Variants in PDE11A observed in about 807,000 individuals in gnomAD.
PDE11A encodes dual 3',5'-cyclic-AMP and -GMP phosphodiesterase 11A.
PDE11A carries 100 observed loss-of-function variants against 100.5 expected under a neutral mutation model. That is an observed-to-expected ratio of 1.00 (90% CI 0.85 to 1.18). The LOEUF is 1.18. Ranked by LOEUF, PDE11A falls within the 50% of genes most tolerant of loss-of-function variation. The pLI is 0.00. For synonymous variants in PDE11A, 381 were observed against 420.8 expected (o/e 0.91, Z 1.16); for missense variants, 1,141 against 1,152.6 (o/e 0.99, Z 0.15).
chr2:177,774,347 C>T (rs1176899882), intron 9 of PDE11A, among the ~76,000 whole-genome samples: 3 of 152,160 alleles, frequency 2.0e-5, no homozygotes, highest in Non-Finnish European at 2.9e-5. Context: ...TGGTTCTGCC[C>T]CCACCTCTCC....
Position 177,993,092 on chromosome 2 carries a change from C to T in PDE11A, c.1071+21210G>A, listed in dbSNP as rs914784850. On this transcript the variant is annotated intron_variant, in intron 2 of 19. Transcript: ENST00000286063. ...ACTTCTCAACCAGAATTTTCCTACTCATAAAATGGGGCTACCATTGTGGTT... is the reference window on the plus strand; with the variant it reads ...ACTTCTCAACCAGAATTTTCCTACTTATAAAATGGGGCTACCATTGTGGTT... Among the ~76,000 whole-genome samples, 14 of 152,258 alleles carry T rather than the reference C, an allele frequency of 9.2e-5. No individual in the cohort carries two copies. In the East Asian group the frequency reaches 1.7e-3, roughly 19 times the overall value.
chr2:177,833,074 C>T (rs541253944), intron 6 of PDE11A, among the ~76,000 whole-genome samples: 20 of 152,102 alleles, frequency 1.3e-4, no homozygotes, highest in Non-Finnish European at 2.1e-4. Context: ...TTCTGCCTAA[C>T]GCCCCTCAGT....
chr2:178,009,612 G>T (rs1332925945), intron 2 of PDE11A, among the ~76,000 whole-genome samples: 2 of 152,160 alleles, frequency 1.3e-5, no homozygotes, highest in Non-Finnish European at 2.9e-5. Context: ...TGAAGGAAAA[G>T]GTGGCAGGGA....
Position 177,627,464 on chromosome 2 carries a change from T to G in PDE11A, c.*1943A>C, listed in dbSNP as rs2079853935. The stretch of plus-strand genomic sequence containing the variant: ...TTCTTCAGACATTTCCTGAATTGTC[T>G]ACTGTGTGCCAGGAAAACAATGTCG... On this transcript the variant is annotated 3_prime_UTR_variant, in exon 20 of 20. Coordinates refer to ENST00000286063, the MANE Select transcript of PDE11A (RefSeq NM_016953.4). 6.6e-6 allele frequency: 1 copy of G among 152,234 alleles called. No homozygotes were observed. Among genetic ancestry groups the G allele is most frequent in the African/African-American group, 2.4e-5 (1 of 41,458 alleles). The allele number at this position is 152,234 out of a possible 1,614,324, so 9.4% of individuals were successfully genotyped here. A position where few individuals can be genotyped will look rare whatever the true frequency, so the allele number is the denominator to read the frequency against.
intron 5 of PDE11A, among the ~76,000 whole-genome samples, chr2:177,848,562 T>A (rs150939271): frequency 4.7e-4 from 72 of 152,362 alleles, no homozygotes; most frequent in Non-Finnish European, 9.4e-4. Flanking sequence ...CTCAGTGGTA[T>A]CTTGCTTCCA....
At chr2:177,772,110 A>G (rs2082320002) in intron 9 of PDE11A, among the ~76,000 whole-genome samples, 1 of 152,114 alleles carries the variant, frequency 6.6e-6, no homozygotes, top group African/African-American at 2.4e-5. Context: ...TTTCTCTTCC[A>G]TTGTAGACTT....
intron 5 of PDE11A, among the ~76,000 whole-genome samples, chr2:177,866,777 G>C (rs909324538): frequency 3.9e-5 from 6 of 152,194 alleles, no homozygotes; most frequent in Non-Finnish European, 8.8e-5. Context: ...ATATGTATTT[G>C]AGTGAAGTAG....
At chr2:177,748,257 C>T (rs2033763) in intron 10 of PDE11A, among the ~76,000 whole-genome samples, 146,820 of 152,278 alleles carry the variant, frequency 0.96, 70,987 homozygotes, top group East Asian at 1. Flanking sequence ...TGAGAGGAAA[C>T]ATTTTGCCTC....
intron 18 of PDE11A, among the ~76,000 whole-genome samples, chr2:177,666,307 A>T (rs2105482620): frequency 6.6e-6 from 1 of 152,356 alleles, no homozygotes; most frequent in South Asian, 2.1e-4. Context: ...TTTGTTCATC[A>T]GTTGATTGAC....
At chr2:177,685,994 T>C (rs759662044) in intron 15 of PDE11A, among the ~76,000 whole-genome samples, 4 of 152,102 alleles carry the variant, frequency 2.6e-5, no homozygotes, top group African/African-American at 4.8e-5. Context: ...ATCAACAGAA[T>C]CAAAATCAGT....
chr2:178,027,405 AAGAC>A (rs1251906322), intron 1 of PDE11A, among the ~76,000 whole-genome samples: 1 of 152,200 alleles, frequency 6.6e-6, no homozygotes, highest in Non-Finnish European at 1.5e-5. Flanking sequence ...ATTACCATCT[AAGAC>A]AGCACAATAG....
chr2:178,025,080 T>C (rs1480131311), intron 1 of PDE11A, among the ~76,000 whole-genome samples: 1 of 152,226 alleles, frequency 6.6e-6, no homozygotes, highest in Admixed American at 6.5e-5. Context: ...TGAAAAATTA[T>C]CATTGTTGTT....
At chr2:177,941,962 T>C (rs992545656) in intron 2 of PDE11A, among the ~76,000 whole-genome samples, 17 of 152,214 alleles carry the variant, frequency 1.1e-4, no homozygotes, top group African/African-American at 4.1e-4. Context: ...CTCAGGGAAT[T>C]TCAGTGACAA....
chr2:177,669,462 T>C (rs2080640874), intron 18 of PDE11A, 31 bp downstream of exon 18: 1 of 875,020 alleles, frequency 1.1e-6, no homozygotes, highest in Non-Finnish European at 2.0e-6. Context: ...TTCAAAAGGG[T>C]AAATACGTTA....
Position 177,632,411 on chromosome 2 carries a change from C to A in PDE11A, c.2647-2849G>T, listed in dbSNP as rs142797352. 2.6e-5 allele frequency among the ~76,000 whole-genome samples: 4 copies of A among 152,128 alleles called. No homozygotes were observed. The East Asian group carries it at 7.7e-4, about 29-fold the overall frequency. ...GACCTTTCTTCTGACTTATTCATAC[C>A]CATCTCTCCTTTCTTCTCTCCTCTT... is the stretch of plus-strand genomic sequence containing the variant. On this transcript the variant is annotated intron_variant, in intron 19 of 19. Coordinates refer to ENST00000286063, the MANE Select transcript of PDE11A (RefSeq NM_016953.4).
chr2:177,915,362 C>T (rs1020647282), intron 2 of PDE11A, among the ~76,000 whole-genome samples: 1 of 152,208 alleles, frequency 6.6e-6, no homozygotes, highest in African/African-American at 2.4e-5. Context: ...CCTCCTTCTC[C>T]CTCAGTCTCT....
chr2:177,999,418 G>A (rs2105816624), intron 2 of PDE11A, among the ~76,000 whole-genome samples: 1 of 152,320 alleles, frequency 6.6e-6, no homozygotes. Flanking sequence ...TACATCACAA[G>A]TATCACTGTG....
intron 10 of PDE11A, among the ~76,000 whole-genome samples, chr2:177,750,101 T>C (rs553596807): frequency 1.4e-4 from 22 of 152,348 alleles, no homozygotes; most frequent in African/African-American, 5.1e-4. Context: ...ACATCGTTAA[T>C]TTCTGCACAT....
intron 1 of PDE11A, among the ~76,000 whole-genome samples, chr2:178,049,792 G>T (rs12998308): frequency 0.1 from 15,223 of 152,120 alleles, 1,048 homozygotes; most frequent in Non-Finnish European, 0.15. Context: ...AGGCAGCAGC[G>T]AGGCTTGGGG....
Sources: allele counts gnomAD v4.1 joint callset (sites outside exome capture counted in the v4.1 genomes callset), GRCh38; gene constraint gnomAD v4.1.1; transcripts MANE v1.5; gene names NCBI Gene and HGNC (gene_info 2026-07-23, HGNC 2026-07-21).